The following PCDHGA11 variants were observed in gnomAD, a reference collection of about 807,000 sequenced individuals.
PCDHGA11 encodes the protein protocadherin gamma subfamily A, 11, also known as protocadherin gamma-A11.
A neutral mutation model predicts 60.4 loss-of-function variants in PCDHGA11; 39 were observed. The ratio of observed to expected loss-of-function variants is 0.65; its 90% CI spans 0.50 to 0.84. The LOEUF (loss-of-function observed/expected upper bound fraction) is 0.84, where lower values mean the gene tolerates loss of function less well. Ranked by LOEUF, PCDHGA11 falls within the 40% of genes least tolerant of loss-of-function variation. PCDHGA11 has a pLI of 0.00. For synonymous variants in PCDHGA11, 533 were observed against 510.3 expected, an observed-to-expected ratio of 1.04 and a Z score of -0.60; for missense variants, 1,165 against 1,197.7, an observed-to-expected ratio of 0.97 and a Z score of 0.40.
chr5:141,431,405 G>A lies in PCDHGA11; in HGVS notation c.2433+7745G>A, dbSNP rs2097369508. Reference sequence around the variant, plus strand: ...TCACCACCTGGTCCTTACGGCCTCCGACGGGGGCGACCCGGTGCGCACAGG... The same window carrying A: ...TCACCACCTGGTCCTTACGGCCTCCAACGGGGGCGACCCGGTGCGCACAGG... On this transcript the variant is annotated intron_variant, in intron 1 of 3. Transcript: ENST00000398587. The surrounding 1 kb of genome is among the most constrained non-coding windows in gnomAD (Gnocchi z 4.8). 1 of 1,613,614 alleles carries A rather than the reference G, an allele frequency of 6.2e-7. No individual in the cohort carries two copies.
chr5:141,478,711 T>C, intron 1 of PCDHGA11: 3 of 1,547,346 alleles, frequency 1.9e-6, no homozygotes, highest in Non-Finnish European at 1.7e-6. Flanking sequence ...CTTTGTGAGA[T>C]GGTGGCCTGC....
intron 1 of PCDHGA11, 146 bp from the exon 2 acceptor site, chr5:141,494,661 G>C (rs2099755951): frequency 6.7e-7 from 1 of 1,492,856 alleles, no homozygotes; most frequent in African/African-American, 1.4e-5. Context: ...TTTGTCTTTG[G>C]AGATGAGTCC....
intron 1 of PCDHGA11, among the ~76,000 whole-genome samples, chr5:141,446,758 C>A (rs776925316): frequency 6.6e-6 from 1 of 152,326 alleles, no homozygotes; most frequent in Non-Finnish European, 1.5e-5. Flanking sequence ...TGAGCCACCG[C>A]GCCCAGCCGG....
intron 3 of PCDHGA11, chr5:141,508,127 G>A (rs1220643878): frequency 6.6e-6 from 1 of 152,628 alleles, no homozygotes; most frequent in Non-Finnish European, 1.5e-5. Context: ...ACAGAGGGAG[G>A]TCAGGGAGCT....
Position 141,491,944 on chromosome 5 carries a change from C to A in PCDHGA11, c.2434-2863C>A. On this transcript the variant is annotated intron_variant, in intron 1 of 3. Transcript: ENST00000398587. This position sits in a 1 kb window ranked among gnomAD's most constrained non-coding sequence, Gnocchi z 6.9. ...CGAGGGGAGGTGGGACCGACCCCCA[C>A]CCCTACACTCAAAAAAGGCCGGGGC... 2 of 1,120,270 alleles carry A rather than the reference C, an allele frequency of 1.8e-6. No individual in the cohort carries two copies. Among genetic ancestry groups the A allele is most frequent in the Non-Finnish European group, 2.4e-6 (2 of 822,060 alleles). The allele number at this position is 1,120,270 out of a possible 1,614,324, so 69.4% of individuals were successfully genotyped here.
At position 141,487,688 on chromosome 5, in the gene PCDHGA11, G is replaced by A. The variant is rs376927186; in HGVS notation, c.2434-7119G>A. On this transcript the variant is annotated intron_variant, in intron 1 of 3. Coordinates refer to ENST00000398587, the MANE Select transcript of PCDHGA11 (RefSeq NM_018914.3). The surrounding 1 kb of genome is among the most constrained non-coding windows in gnomAD (Gnocchi z 5.0). ...AGGCATATGGCTAGGCCATGTCCTA[G>A]AGAGTACTGGCCTCTCAGTAAGTGC... 6.2e-7 allele frequency: 1 copy of A among 1,604,966 alleles called. No homozygotes were observed.
At chr5:141,468,995 T>G (rs533843461) in intron 1 of PCDHGA11, among the ~76,000 whole-genome samples, 1 of 147,628 alleles carries the variant, frequency 6.8e-6, no homozygotes, top group Non-Finnish European at 1.5e-5. Context: ...TTATTGTTTT[T>G]GCTGGGTGCG....
In PCDHGA11 at chr5:141,491,419, G is replaced by A. The variant is rs1422517367; in HGVS notation, c.2434-3388G>A. On this transcript the variant is annotated intron_variant, in intron 1 of 3. Coordinates refer to ENST00000398587, the MANE Select transcript of PCDHGA11 (RefSeq NM_018914.3). This position sits in a 1 kb window ranked among gnomAD's most constrained non-coding sequence, Gnocchi z 6.9. ...GGGAAACGCAGACGGGGACGGGGGT[G>A]GAGGGCAGTGCTGCAGGCGCCAGGA... 1 of 1,614,124 alleles carries A rather than the reference G, an allele frequency of 6.2e-7. No individual in the cohort carries two copies.
At position 141,455,301 on chromosome 5, in the gene PCDHGA11, T is replaced by G. The variant is rs192443408; in HGVS notation, c.2433+31641T>G. Among the ~76,000 whole-genome samples, 191 of 152,308 alleles carry G rather than the reference T, an allele frequency of 1.3e-3. 1 individual carries two copies. Among genetic ancestry groups the G allele is most frequent in the African/African-American group, 4.4e-3 (181 of 41,566 alleles). On this transcript the variant is annotated intron_variant, in intron 1 of 3. Transcript: ENST00000398587. ...AACATCACTTTACATAGTTTCATCT[T>G]GCATTAGCAATTTTGTGTGTGTGTT...
chr5:141,475,616 G>A (rs2099366026), intron 1 of PCDHGA11, among the ~76,000 whole-genome samples: 1 of 152,206 alleles, frequency 6.6e-6, no homozygotes, highest in Admixed American at 6.5e-5. Flanking sequence ...GTAGTTTTCG[G>A]TTTGGTTCGA....
In PCDHGA11 at chr5:141,477,155, G is replaced by A. The variant is rs2099406190; in HGVS notation, c.2434-17652G>A. ...GTTGGTGGAGGTTGTGGATGTGAATGACAACGCCCCGGAGATCACAGTCAC... is the reference window on the plus strand; with the variant it reads ...GTTGGTGGAGGTTGTGGATGTGAATAACAACGCCCCGGAGATCACAGTCAC... On this transcript the variant is annotated intron_variant, in intron 1 of 3. Coordinates refer to ENST00000398587, the MANE Select transcript of PCDHGA11 (RefSeq NM_018914.3). The surrounding 1 kb of genome is among the most constrained non-coding windows in gnomAD (Gnocchi z 4.9). The A allele has an allele frequency of 6.2e-7, 1 of 1,614,190 alleles. No individual in the cohort carries two copies. The highest frequency in any genetic ancestry group is 8.5e-7 in the Non-Finnish European group (1 of 1,180,042).
At chr5:141,452,673 G>A (rs2098746812) in intron 1 of PCDHGA11, among the ~76,000 whole-genome samples, 1 of 151,896 alleles carries the variant, frequency 6.6e-6, no homozygotes, top group Non-Finnish European at 1.5e-5. Flanking sequence ...CTCCAGCCTA[G>A]GCCACAGAAT....
At chr5:141,426,946 C>T (rs565370434) in intron 1 of PCDHGA11, 5 of 456,668 alleles carry the variant, frequency 1.1e-5, no homozygotes, top group Non-Finnish European at 2.2e-5. Context: ...CCAGTCCCAA[C>T]TGGCACTGCT....
At chr5:141,431,000 A>G (rs1272572092) in intron 1 of PCDHGA11, 4 of 1,613,898 alleles carry the variant, frequency 2.5e-6, no homozygotes, top group African/African-American at 1.3e-5. Flanking sequence ...GAATCCGCGC[A>G]GCGGCAGCTT....
chr5:141,455,897 T>C (rs1330516646), intron 1 of PCDHGA11, among the ~76,000 whole-genome samples: 1 of 149,800 alleles, frequency 6.7e-6, no homozygotes, highest in African/African-American at 2.4e-5. Flanking sequence ...ATTTATTTAT[T>C]TATTTATTTA....
At chr5:141,461,663 G>C (rs1230719552) in intron 1 of PCDHGA11, among the ~76,000 whole-genome samples, 1 of 151,984 alleles carries the variant, frequency 6.6e-6, no homozygotes, top group Admixed American at 6.6e-5. Flanking sequence ...TTATTTTAAA[G>C]TTTGTTATTT....
chr5:141,506,544 G>GT (rs2099854759), intron 3 of PCDHGA11, among the ~76,000 whole-genome samples: 1 of 151,880 alleles, frequency 6.6e-6, no homozygotes, highest in Non-Finnish European at 1.5e-5. Flanking sequence ...GAGTCCTTAG[G>GT]TAAGTTATTA....
intron 1 of PCDHGA11, chr5:141,433,023 A>C: frequency 6.2e-7 from 1 of 1,614,084 alleles, no homozygotes; most frequent in East Asian, 2.2e-5. Context: ...ACCTATTCCC[A>C]CGAGGTTTCC....
Position 141,485,365 on chromosome 5 carries a change from G to A in PCDHGA11, c.2434-9442G>A. 1 of 1,614,120 alleles carries A rather than the reference G, an allele frequency of 6.2e-7. No homozygotes were observed. Among genetic ancestry groups the A allele is most frequent in the Admixed American group, 1.7e-5 (1 of 60,018 alleles). ...CGGACAGTCTGTCAGCTCGCAGGCT[G>A]CAGGTCGCTGGAGAGGTGAACCAAA... On this transcript the variant is annotated intron_variant, in intron 1 of 3. Transcript: ENST00000398587. The surrounding 1 kb of genome is among the most constrained non-coding windows in gnomAD (Gnocchi z 5.7).
Sources: allele counts gnomAD v4.1 joint callset (sites outside exome capture counted in the v4.1 genomes callset), GRCh38; gene constraint gnomAD v4.1.1; non-coding constraint Gnocchi (gnomAD v3.1); transcripts MANE v1.5; gene names NCBI Gene and HGNC (gene_info 2026-07-23, HGNC 2026-07-21).